EYS: variants seen among roughly 807,000 people sequenced by gnomAD.
The protein encoded by EYS is protein eyes shut homolog.
Under a neutral mutation model 282.1 loss-of-function variants are expected in EYS, and 250 were observed. That is an observed-to-expected ratio of 0.89 (90% CI 0.80 to 0.98). The LOEUF (loss-of-function observed/expected upper bound fraction) is 0.98, where lower values mean the gene tolerates loss of function less well. Among genes scored for constraint, EYS ranks in the 50% least tolerant of loss-of-function variants. EYS has a pLI of 0.00. For missense variants in EYS, 4,016 were observed against 3,709.0 expected, an observed-to-expected ratio of 1.08 and a Z score of -2.15; for synonymous variants, 1,355 against 1,282.9, an observed-to-expected ratio of 1.06 and a Z score of -1.20.
intron 12 of EYS, among the ~76,000 whole-genome samples, chr6:65,059,439 A>C (rs1268552218): frequency 1.3e-5 from 2 of 152,146 alleles, no homozygotes; most frequent in African/African-American, 4.8e-5. Flanking sequence ...GTTAGGAGGT[A>C]GTATTACAAC....
intron 30 of EYS, among the ~76,000 whole-genome samples, chr6:64,299,871 C>T (rs528148603): frequency 9.9e-4 from 150 of 152,146 alleles, no homozygotes; most frequent in Non-Finnish European, 1.9e-3. Flanking sequence ...GTGAGGTTGG[C>T]TCTGGTCCCA....
intron 12 of EYS, among the ~76,000 whole-genome samples, chr6:65,071,917 A>C (rs1773913028): frequency 1.3e-5 from 2 of 151,782 alleles, no homozygotes; most frequent in South Asian, 4.1e-4. Context: ...GTGCTTGATG[A>C]GGAATTGCAT....
intron 8 of EYS, among the ~76,000 whole-genome samples, chr6:65,383,705 C>T (rs1031928208): frequency 6.6e-6 from 1 of 151,628 alleles, no homozygotes; most frequent in Non-Finnish European, 1.5e-5. Flanking sequence ...GTGTAATCCT[C>T]AAGTTTATAA....
chr6:64,985,579 T>C (rs1350236328), intron 14 of EYS, among the ~76,000 whole-genome samples: 1 of 151,470 alleles, frequency 6.6e-6, no homozygotes, highest in African/African-American at 2.4e-5. Flanking sequence ...AAAACCTTTT[T>C]TACAAAAAGA....
At chr6:65,440,024 T>C (rs1768249015) in intron 5 of EYS, among the ~76,000 whole-genome samples, 1 of 151,826 alleles carries the variant, frequency 6.6e-6, no homozygotes, top group Non-Finnish European at 1.5e-5. Flanking sequence ...TAAAACAGCA[T>C]TGGAAAGGTT....
chr6:64,635,086 T>C (rs1407199394), intron 22 of EYS, among the ~76,000 whole-genome samples: 1 of 152,042 alleles, frequency 6.6e-6, no homozygotes, highest in Non-Finnish European at 1.5e-5. Context: ...TTTGTAGCAA[T>C]TGTGAATGGG....
intron 29 of EYS, among the ~76,000 whole-genome samples, chr6:64,377,084 A>AATAGATAGATAGATAGATAGATAG (rs745336445): frequency 1.3e-5 from 2 of 151,874 alleles, no homozygotes; most frequent in African/African-American, 4.8e-5. Context: ...TAGCTGGATG[A>AATAGATAGATAGATAGATAGATAG]ATAGATAGAT....
Position 64,296,527 on chromosome 6 carries a change from AATTGT to A in EYS, c.6191+10438_6191+10442del, listed in dbSNP as rs1477560131. 1.4e-3 allele frequency among the ~76,000 whole-genome samples: 67 copies of A among 47,882 alleles called. 2 individuals are homozygous for A. The highest frequency in any genetic ancestry group is 3.1e-3 in the Non-Finnish European group (57 of 18,508). 31.4% of individuals were successfully genotyped at this position (47,882 alleles called of 152,430 possible). Reference sequence around the variant, plus strand: ...AAACCTATCTCCCCACCTAGACAACAATTGTACTGGCAGAATATATATATATATAT... The same window carrying A: ...AAACCTATCTCCCCACCTAGACAACAACTGGCAGAATATATATATATATAT... On this transcript the variant is annotated intron_variant, in intron 30 of 42. Coordinates refer to ENST00000503581, the MANE Select transcript of EYS (RefSeq NM_001142800.2).
At chr6:64,848,186 G>A (rs534833018) in intron 19 of EYS, among the ~76,000 whole-genome samples, 1 of 151,992 alleles carries the variant, frequency 6.6e-6, no homozygotes, top group South Asian at 2.1e-4. Context: ...TTTTGATTAC[G>A]ACAGCTTTCA....
At chr6:65,402,332 A>C in intron 7 of EYS, 146 bp downstream of exon 7, 1 of 488,132 alleles carries the variant, frequency 2.0e-6, no homozygotes, top group Non-Finnish European at 3.6e-6. Flanking sequence ...AAAACATGCA[A>C]AAAAAATTTA....
chr6:65,055,747 G>A (rs1773393624), intron 13 of EYS, among the ~76,000 whole-genome samples: 1 of 151,992 alleles, frequency 6.6e-6, no homozygotes, highest in Non-Finnish European at 1.5e-5. Context: ...CTCAGAAAAT[G>A]TACTTTTGAA....
intron 19 of EYS, among the ~76,000 whole-genome samples, chr6:64,850,286 C>A (rs945236036): frequency 9.9e-5 from 15 of 152,084 alleles, no homozygotes; most frequent in African/African-American, 2.4e-4. Context: ...TTTCCCCCAG[C>A]CTTTGAAGTC....
chr6:64,946,905 C>T (rs1247086120), intron 14 of EYS, among the ~76,000 whole-genome samples: 1 of 151,822 alleles, frequency 6.6e-6, no homozygotes, highest in Non-Finnish European at 1.5e-5. Flanking sequence ...ATTTCCATAG[C>T]TTTTTGTAGT....
intron 22 of EYS, among the ~76,000 whole-genome samples, chr6:64,738,780 G>T (rs1772272209): frequency 6.6e-6 from 1 of 152,170 alleles, no homozygotes; most frequent in African/African-American, 2.4e-5. Context: ...TTTTTAAGAT[G>T]TAATTTTGCC....
intron 12 of EYS, among the ~76,000 whole-genome samples, chr6:65,187,366 T>C (rs146597625): frequency 8.6e-5 from 13 of 151,806 alleles, no homozygotes; most frequent in African/African-American, 3.1e-4. Context: ...TTTTTTAATG[T>C]CAAGTATTAA....
chr6:64,846,485 A>T (rs1234503511), intron 19 of EYS, among the ~76,000 whole-genome samples: 1 of 152,094 alleles, frequency 6.6e-6, no homozygotes, highest in East Asian at 1.9e-4. Context: ...GAGAAAAACA[A>T]ATGGGATCTA....
intron 2 of EYS, among the ~76,000 whole-genome samples, chr6:65,593,188 C>T (rs1356398630): frequency 6.6e-6 from 1 of 152,002 alleles, no homozygotes; most frequent in Non-Finnish European, 1.5e-5. Context: ...ACATAAATGT[C>T]ATCTGTCTTT....
intron 1 of EYS, among the ~76,000 whole-genome samples, chr6:65,642,657 T>C (rs952520099): frequency 1.3e-5 from 2 of 152,228 alleles, no homozygotes; most frequent in African/African-American, 2.4e-5. Flanking sequence ...TCAATACAAA[T>C]ATTCACATTT....
At chr6:65,445,214 C>G (rs150736257) in intron 5 of EYS, among the ~76,000 whole-genome samples, 184 of 151,936 alleles carry the variant, frequency 1.2e-3, no homozygotes, top group African/African-American at 4.1e-3. Context: ...ATCAATCCAC[C>G]ATGATTGAAT....
Sources: allele counts gnomAD v4.1 joint callset (sites outside exome capture counted in the v4.1 genomes callset), GRCh38; gene constraint gnomAD v4.1.1; transcripts MANE v1.5; gene names NCBI Gene and HGNC (gene_info 2026-07-23, HGNC 2026-07-21).